MYBPC3: variants seen among roughly 807,000 people sequenced by gnomAD.
The protein encoded by MYBPC3 is myosin binding protein C3.
A neutral mutation model predicts 159.3 loss-of-function variants in MYBPC3; 108 were observed. That is an observed-to-expected ratio of 0.68 (90% CI 0.58 to 0.80). The LOEUF is 0.80. MYBPC3 is among the 30% of genes least tolerant of loss of function. MYBPC3 has a pLI of 0.00. For missense variants in MYBPC3, 1,631 were observed against 1,762.1 expected (o/e 0.93, Z 1.33); for synonymous variants, 730 against 702.0 (o/e 1.04, Z -0.63).
Position 47,332,555 on chromosome 11 carries a change from A to G in MYBPC3, c.3627+11T>C. 6.2e-7 allele frequency: 1 copy of G among 1,601,654 alleles called. No homozygotes were observed. Among genetic ancestry groups the G allele is most frequent in the East Asian group, 2.2e-5 (1 of 44,562 alleles). ...CCTGGTCGGCCTGGACCAGCGCCTA[A>G]AGTTCCCTACCTTGGGGCTACCCCG... On this transcript the variant is annotated intron_variant, in intron 32 of 34. Coordinates refer to ENST00000545968, the MANE Select transcript of MYBPC3 (RefSeq NM_000256.3). This position sits in a 1 kb window ranked among gnomAD's most constrained non-coding sequence, Gnocchi z 4.2.
chr11:47,342,665 T>A lies in MYBPC3; in HGVS notation c.1537A>T (p.Ile513Phe). 6.2e-7 allele frequency: 1 copy of A among 1,614,022 alleles called. No homozygotes were observed. The highest frequency in any genetic ancestry group is 8.5e-7 in the Non-Finnish European group (1 of 1,179,888). The change falls in exon 17 of 35, where the codon ATC becomes TTC. Residue 513 changes from isoleucine (I) to phenylalanine (F), a missense_variant. Coordinates refer to ENST00000545968, the MANE Select transcript of MYBPC3 (RefSeq NM_000256.3). ...TCCTCCAGCATGGCCTCGTTGATGA[T>A]CAGGTGGTGTCTCTGCCCGTCCTTC... is the stretch of plus-strand genomic sequence containing the variant. ...FKKDGQRHHL[I>F]INEAMLEDAG...
chr11:47,342,698 G>A lies in MYBPC3; in HGVS notation c.1504C>T (p.Arg502Trp), dbSNP rs375882485. The A allele has an allele frequency of 1.4e-4, 233 of 1,613,896 alleles. No individual in the cohort carries two copies. The highest frequency in any genetic ancestry group is 1.9e-4 in the Non-Finnish European group (220 of 1,179,896). ...ELTREETFKY[R>W]FKKDGQRHHL... ...TGTCTCTGCCCGTCCTTCTTGAACC[G>A]GTATTTGAAGGTCTCCTCCCGGGTC... Residue 502 changes from arginine (R) to tryptophan (W), a missense_variant, in exon 17 of 35, where the codon CGG (arginine) becomes TGG (tryptophan). Coordinates refer to ENST00000545968, the MANE Select transcript of MYBPC3 (RefSeq NM_000256.3).
In MYBPC3 at chr11:47,335,134, G is replaced by T; in HGVS notation, c.2813C>A (p.Ala938Asp). Residue 938 changes from alanine (A) to aspartate (D), a missense_variant, in exon 27 of 35, where the codon GCC becomes GAC. Ala to Asp is a moderately radical substitution (Grantham distance 126). Transcript: ENST00000545968. ...TGCCCGCACTCGGAAAAGCAGCCGG[G>T]CCCCCGTGGGCAGGTCCTTCACCAG... ...SILVKDLPTG[A>D]RLLFRVRAHN... 6.2e-7 allele frequency: 1 copy of T among 1,612,588 alleles called. No individual in the cohort carries two copies. The highest frequency in any genetic ancestry group is 1.7e-5 in the Admixed American group (1 of 59,924).
In MYBPC3 at chr11:47,350,016, A is replaced by G. The variant is rs727505267; in HGVS notation, c.503T>C (p.Val168Ala). 4.1e-5 allele frequency: 64 copies of G among 1,560,094 alleles called. 2 individuals are homozygous for G. The South Asian group carries it at 7.4e-4, about 18-fold the overall frequency. The change falls in exon 4 of 35, where the codon GTG (valine) becomes GCG (alanine). Residue 168 changes from valine (V) to alanine (A), a missense_variant and splice_region_variant. Coordinates refer to ENST00000545968, the MANE Select transcript of MYBPC3 (RefSeq NM_000256.3). The stretch of plus-strand genomic sequence containing the variant: ...TGGGCACAGCAGCTCACACTCACCC[A>G]CGGTCACCTCGCCATCCTGTGGCCG... Reference protein sequence around the residue: ...VMRPQDGEVTVGGSITFSARV... With the variant: ...VMRPQDGEVTAGGSITFSARV...
Position 47,332,061 on chromosome 11 carries a change from G to A in MYBPC3, c.3814+11C>T, listed in dbSNP as rs2095877583. The A allele has an allele frequency of 1.9e-6, 3 of 1,606,316 alleles. No individual in the cohort carries two copies. Among genetic ancestry groups the A allele is most frequent in the African/African-American group, 1.3e-5 (1 of 74,756 alleles). On this transcript the variant is annotated intron_variant, in intron 33 of 34. Transcript: ENST00000545968. This position sits in a 1 kb window ranked among gnomAD's most constrained non-coding sequence, Gnocchi z 4.2. ...CCCATCTCCCAGGCCCTGGCCCCGAGGGCTCCTCACCTCGCACCTCCAGGC... is the reference window on the plus strand; with the variant it reads ...CCCATCTCCCAGGCCCTGGCCCCGAAGGCTCCTCACCTCGCACCTCCAGGC...
Position 47,333,353 on chromosome 11 carries a change from T to C in MYBPC3, c.3191-20A>G. 2 of 1,547,994 alleles carry C rather than the reference T, an allele frequency of 1.3e-6. No homozygotes were observed. Among genetic ancestry groups the C allele is most frequent in the Non-Finnish European group, 1.7e-6 (2 of 1,142,940 alleles). ...GCTTGTCTGCGGGAGACAGACCCAG[T>C]TGGGTCACCACGCCTCCTGACAGTG... On this transcript the variant is annotated intron_variant, in intron 29 of 34. Coordinates refer to ENST00000545968, the MANE Select transcript of MYBPC3 (RefSeq NM_000256.3).
intron 27 of MYBPC3, 144 bp downstream of exon 27, chr11:47,334,898 G>T: frequency 9.7e-7 from 1 of 1,026,450 alleles, no homozygotes; most frequent in Non-Finnish European, 1.3e-6. Context: ...CCTAGCGCAT[G>T]GACGATGGCT....
rs1413060957 is a variant in MYBPC3 at position 47,331,410 on chromosome 11, T to A, written c.*333A>T. ...GCACACCGAAATTGAGAAGAGTGAG[T>A]TCTCTGTGACTGCACTTATCTTTTA... On this transcript the variant is annotated 3_prime_UTR_variant, in exon 35 of 35. Transcript: ENST00000545968. 1.3e-5 allele frequency: 2 copies of A among 155,100 alleles called. No individual in the cohort carries two copies. Among genetic ancestry groups the A allele is most frequent in the African/African-American group, 4.8e-5 (2 of 41,522 alleles). 9.6% of individuals were successfully genotyped at this position (155,100 alleles called of 1,614,324 possible). A position where few individuals can be genotyped will look rare whatever the true frequency, so the allele number is the denominator to read the frequency against.
In MYBPC3 at chr11:47,351,563, G is replaced by A; in HGVS notation, c.26-58C>T. On this transcript the variant is annotated intron_variant, in intron 1 of 34. Transcript: ENST00000545968. The surrounding 1 kb of genome is among the most constrained non-coding windows in gnomAD (Gnocchi z 4.2). ...TGGTTGGAGCGTGCACCCCGCCCCT[G>A]CAGCCCCTCTCAGTAAATACTGTGC... 6.7e-7 allele frequency: 1 copy of A among 1,493,888 alleles called. No individual in the cohort carries two copies. The highest frequency in any genetic ancestry group is 9.0e-7 in the Non-Finnish European group (1 of 1,116,646). The allele number at this position is 1,493,888 out of a possible 1,614,324, so 92.5% of individuals were successfully genotyped here.
At chr11:47,334,943 A>C in intron 27 of MYBPC3, 99 bp downstream of exon 27, 1 of 1,313,996 alleles carries the variant, frequency 7.6e-7, no homozygotes, top group African/African-American at 1.5e-5. Context: ...CGTTCTGGGC[A>C]GAGCATTCTG....
At position 47,332,402 on chromosome 11, in the gene MYBPC3, A is replaced by C; in HGVS notation, c.3628-144T>G. The C allele has an allele frequency of 7.1e-6, 10 of 1,417,676 alleles. 1 individual carries two copies. The South Asian group carries it at 1.3e-4, about 18-fold the overall frequency. The allele number at this position is 1,417,676 out of a possible 1,614,324, so 87.8% of individuals were successfully genotyped here. A position where few individuals can be genotyped will look rare whatever the true frequency, so the allele number is the denominator to read the frequency against. On this transcript the variant is annotated intron_variant, in intron 32 of 34. Coordinates refer to ENST00000545968, the MANE Select transcript of MYBPC3 (RefSeq NM_000256.3). The surrounding 1 kb of genome is among the most constrained non-coding windows in gnomAD (Gnocchi z 4.2). ...GCCCAAGGCTGGAAACAAACATGGA[A>C]CCAAGAGTGAGTACCATGGCCCTGC...
chr11:47,341,667 C>T (rs924378192), intron 18 of MYBPC3, among the ~76,000 whole-genome samples: 1 of 152,240 alleles, frequency 6.6e-6, no homozygotes, highest in East Asian at 1.9e-4. Flanking sequence ...GGGGAGCGCT[C>T]GACCCCGTCC....
At chr11:47,335,331 GTTTA>G (rs756852619) in intron 26 of MYBPC3, 122 bp from the exon 27 acceptor site, 67 of 881,250 alleles carry the variant, frequency 7.6e-5, no homozygotes, top group Non-Finnish European at 1.0e-4. Flanking sequence ...ATTTTTATTT[GTTTA>G]TTTATTTTTG....
At position 47,348,551 on chromosome 11, in the gene MYBPC3, T is replaced by C. The variant is rs2095896910; in HGVS notation, c.655-10A>G. 6.2e-7 allele frequency: 1 copy of C among 1,603,660 alleles called. No individual in the cohort carries two copies. Among genetic ancestry groups the C allele is most frequent in the Non-Finnish European group, 8.5e-7 (1 of 1,173,384 alleles). ...GCTCGAACAGATAGACCTGTGTGCA[T>C]GGAGGGACGGGGCGTCAGGGGACAC... is the stretch of plus-strand genomic sequence containing the variant. On this transcript the variant is annotated splice_polypyrimidine_tract_variant and intron_variant, in intron 5 of 34. Coordinates refer to ENST00000545968, the MANE Select transcript of MYBPC3 (RefSeq NM_000256.3).
At chr11:47,347,516 G>C (rs1478943308) in intron 8 of MYBPC3, 37 bp from the exon 9 acceptor site, 1 of 1,582,890 alleles carries the variant, frequency 6.3e-7, no homozygotes, top group African/African-American at 1.3e-5. Flanking sequence ...TGCAGTGAGG[G>C]ACTGGAAAGG....
chr11:47,351,354 T>C lies in MYBPC3; in HGVS notation c.177A>G (p.Thr59=). 6.2e-7 allele frequency: 1 copy of C among 1,604,266 alleles called. No individual in the cohort carries two copies. Among genetic ancestry groups the C allele is most frequent in the Non-Finnish European group, 8.5e-7 (1 of 1,175,834 alleles). The change falls in exon 2 of 35, where the codon ACA becomes ACG. Residue 59 remains threonine (T), a synonymous_variant. Transcript: ENST00000545968. This position sits in a 1 kb window ranked among gnomAD's most constrained non-coding sequence, Gnocchi z 4.2. ...ISASNKYGLA[T]EGTRHTLTVR... ...CTGTCAGCGTATGCCGTGTGCCCTCTGTGGCCAGGCCGTACTTGTTGCTGG... is the reference window on the plus strand; with the variant it reads ...CTGTCAGCGTATGCCGTGTGCCCTCCGTGGCCAGGCCGTACTTGTTGCTGG...
At chr11:47,343,430 G>C in intron 13 of MYBPC3, 62 bp downstream of exon 13, 1 of 1,525,856 alleles carries the variant, frequency 6.6e-7, no homozygotes. Flanking sequence ...GAGAGGGGCA[G>C]GAGGCAAGGC....
In MYBPC3 at chr11:47,341,881, C is replaced by G. The variant is rs560853386; in HGVS notation, c.1790+110G>C. The G allele has an allele frequency of 4.5e-5, 64 of 1,411,632 alleles. No homozygotes were observed. The African/African-American group carries it at 8.8e-4, about 19-fold the overall frequency. 87.4% of individuals were successfully genotyped at this position (1,411,632 alleles called of 1,614,324 possible). On this transcript the variant is annotated intron_variant, in intron 18 of 34. Transcript: ENST00000545968. ...CAGTCTCTGTCCTGTCTCTGTGCAT[C>G]TGCCTCTCTGTCCACCTGTCTTTAT...
Position 47,332,243 on chromosome 11 carries a change from A to G in MYBPC3, c.3643T>C (p.Phe1215Leu). 1.9e-6 allele frequency: 3 copies of G among 1,613,756 alleles called. No individual in the cohort carries two copies. The highest frequency in any genetic ancestry group is 2.5e-6 in the Non-Finnish European group (3 of 1,179,868). Residue 1215 changes from phenylalanine (F) to leucine (L), a missense_variant, in exon 33 of 35, where the codon TTC (phenylalanine) becomes CTC (leucine). Physicochemically the swap from Phe to Leu is conservative, Grantham distance 22. Coordinates refer to ENST00000545968, the MANE Select transcript of MYBPC3 (RefSeq NM_000256.3). This position sits in a 1 kb window ranked among gnomAD's most constrained non-coding sequence, Gnocchi z 4.2. ...RGSPKPKISW[F>L]KNGLDLGEDA... ...TCTCCCAGGTCCAGGCCATTCTTGA[A>G]CCAGGAAATCTTGGGCTATAAATAA...
Sources: gnomAD v4.1 joint callset for allele counts (sites outside exome capture counted in the v4.1 genomes callset) on GRCh38, gnomAD v4.1.1 for gene constraint, Gnocchi (gnomAD v3.1) non-coding constraint, MANE v1.5 for transcripts, NCBI Gene and HGNC (gene_info 2026-07-23, HGNC 2026-07-21) for gene names.